Variants in RSRC1 observed in about 807,000 individuals in gnomAD.
RSRC1 encodes the protein arginine and serine rich coiled-coil 1, also known as serine/Arginine-related protein 53.
RSRC1 carries 39 observed loss-of-function variants against 49.1 expected under a neutral mutation model. The ratio of observed to expected loss-of-function variants is 0.79; its 90% CI spans 0.61 to 1.04. The LOEUF (loss-of-function observed/expected upper bound fraction) is 1.04. RSRC1 is among the 50% of genes least tolerant of loss of function. The pLI, the probability that RSRC1 is intolerant of heterozygous loss-of-function variation, is 0.00. For synonymous variants in RSRC1, 143 were observed against 130.8 expected, an observed-to-expected ratio of 1.09 and a Z score of -0.63; for missense variants, 388 against 402.4, an observed-to-expected ratio of 0.96 and a Z score of 0.31.
At chr3:158,299,311 A>G (rs1047072551) in intron 5 of RSRC1, among the ~76,000 whole-genome samples, 2 of 151,746 alleles carry the variant, frequency 1.3e-5, no homozygotes, top group African/African-American at 2.4e-5. Context: ...GGTGTCTTTT[A>G]TTTTTTATTT....
intron 7 of RSRC1, among the ~76,000 whole-genome samples, chr3:158,487,949 GAAAAAAAAAAA>G (rs58689210): frequency 1.0e-4 from 3 of 28,922 alleles, no homozygotes; most frequent in African/African-American, 2.7e-4. Flanking sequence ...TCCATCTCAA[GAAAAAAAAAAA>G]AAAAAAAAAA....
chr3:158,342,911 T>C (rs2108217627), intron 5 of RSRC1, among the ~76,000 whole-genome samples: 1 of 152,308 alleles, frequency 6.6e-6, no homozygotes, highest in Non-Finnish European at 1.5e-5. Context: ...TAGATCATGC[T>C]ACAAAGAGGA....
chr3:158,327,933 A>G (rs1214491807), intron 5 of RSRC1, among the ~76,000 whole-genome samples: 35 of 152,342 alleles, frequency 2.3e-4, no homozygotes, highest in African/African-American at 8.4e-4. Context: ...GGGTGCATAC[A>G]TATTTAGGAT....
chr3:158,509,364 A>G (rs1740031971), intron 7 of RSRC1, among the ~76,000 whole-genome samples: 1 of 152,184 alleles, frequency 6.6e-6, no homozygotes, highest in East Asian at 1.9e-4. Flanking sequence ...ACAACTTCCA[A>G]TTTGAGATAC....
At chr3:158,448,167 G>A (rs1736823303) in intron 6 of RSRC1, among the ~76,000 whole-genome samples, 1 of 151,832 alleles carries the variant, frequency 6.6e-6, no homozygotes, top group Admixed American at 6.6e-5. Context: ...TATGCTGTAA[G>A]TCGAAGGAAC....
chr3:158,288,058 A>G (rs1323051576), intron 4 of RSRC1, among the ~76,000 whole-genome samples: 2 of 152,124 alleles, frequency 1.3e-5, no homozygotes, highest in Non-Finnish European at 2.9e-5. Flanking sequence ...AACAACATGC[A>G]CAACTGTATG....
Position 158,228,899 on chromosome 3 carries a change from AAC to A in RSRC1, c.494+25660_494+25661del, listed in dbSNP as rs373042290. On this transcript the variant is annotated intron_variant, in intron 4 of 9. Transcript: ENST00000611884. ...AACACATACGTGTAATGTGTATATA[AAC>A]ACACATACGTGTATATGTGTGTATA... is the stretch of plus-strand genomic sequence containing the variant. 3.9e-4 allele frequency among the ~76,000 whole-genome samples: 24 copies of A among 61,700 alleles called. 6 individuals are homozygous for A. The highest frequency in any genetic ancestry group is 1.2e-3 in the South Asian group (2 of 1,698). 40.5% of individuals were successfully genotyped at this position (61,700 alleles called of 152,430 possible). A position where few individuals can be genotyped will look rare whatever the true frequency, so the allele number is the denominator to read the frequency against.
rs770777324 is a variant in RSRC1, at chr3:158,122,171, C to G, written c.67C>G (p.Arg23Gly). The G allele has an allele frequency of 6.3e-7, 1 of 1,597,736 alleles. No individual in the cohort carries two copies. The highest frequency in any genetic ancestry group is 8.5e-7 in the Non-Finnish European group (1 of 1,171,346). Residue 23 changes from arginine to glycine, a missense_variant, in exon 2 of 10, where the codon CGG becomes GGG. Physicochemically the swap from Arg to Gly is moderately radical, Grantham distance 125. Transcript: ENST00000611884. ...CAAGAGAAAAAAGAAACACCGTAGACGGTCCTCCTCGAGCAGTTCTTCAGA... is the reference window on the plus strand; with the variant it reads ...CAAGAGAAAAAAGAAACACCGTAGAGGGTCCTCCTCGAGCAGTTCTTCAGA... ...RSKRKKKHRR[R>G]SSSSSSSDSR... is the part of the protein sequence containing the mutation.
chr3:158,472,501 A>G (rs188472614), intron 7 of RSRC1, among the ~76,000 whole-genome samples: 1 of 152,294 alleles, frequency 6.6e-6, no homozygotes, highest in Non-Finnish European at 1.5e-5. Context: ...TCAACAAAAC[A>G]AAACAAAAGC....
In RSRC1 at chr3:158,459,243, T is replaced by C. The variant is rs183859824; in HGVS notation, c.584-1692T>C. Among the ~76,000 whole-genome samples, 802 of 152,248 alleles carry C rather than the reference T, an allele frequency of 5.3e-3. 6 individuals are homozygous for C. The highest frequency in any genetic ancestry group is 9.3e-3 in the Non-Finnish European group (629 of 67,986). Reference sequence around the variant, plus strand: ...AAAAACATATAAAATAATATTCCTATGAATTGTCCATGTATAGCAACAAAT... The same window carrying C: ...AAAAACATATAAAATAATATTCCTACGAATTGTCCATGTATAGCAACAAAT... On this transcript the variant is annotated intron_variant, in intron 6 of 9. Coordinates refer to ENST00000611884, the MANE Select transcript of RSRC1 (RefSeq NM_001271838.2).
chr3:158,401,557 A>C (rs1733895188), intron 6 of RSRC1, among the ~76,000 whole-genome samples: 1 of 151,976 alleles, frequency 6.6e-6, no homozygotes, highest in African/African-American at 2.4e-5. Flanking sequence ...AAGTGGCAGT[A>C]ATTTATATAG....
intron 4 of RSRC1, among the ~76,000 whole-genome samples, chr3:158,291,651 A>G (rs995971792): frequency 6.6e-6 from 1 of 152,214 alleles, no homozygotes; most frequent in African/African-American, 2.4e-5. Context: ...ACAAATGTAG[A>G]TGCAAAATAT....
At chr3:158,181,366 A>T (rs1424599240) in intron 3 of RSRC1, among the ~76,000 whole-genome samples, 3 of 152,302 alleles carry the variant, frequency 2.0e-5, no homozygotes, top group African/African-American at 7.2e-5. Context: ...CACATAAGAG[A>T]AATATCTGTC....
intron 5 of RSRC1, among the ~76,000 whole-genome samples, chr3:158,350,809 A>T (rs1730830493): frequency 6.6e-6 from 1 of 152,138 alleles, no homozygotes; most frequent in Non-Finnish European, 1.5e-5. Context: ...GATTAATACC[A>T]TTTACGAATT....
At chr3:158,365,422 GTTTGCTGAGAAT>G (rs1731709157) in intron 6 of RSRC1, among the ~76,000 whole-genome samples, 1 of 152,022 alleles carries the variant, frequency 6.6e-6, no homozygotes, top group African/African-American at 2.4e-5. Context: ...TCCTGTGTTA[GTTTGCTGAGAAT>G]GATGGTTTCC....
intron 6 of RSRC1, among the ~76,000 whole-genome samples, chr3:158,356,595 T>G (rs1298113128): frequency 1.3e-5 from 2 of 152,088 alleles, no homozygotes; most frequent in Non-Finnish European, 2.9e-5. Context: ...TTTTGTTAAT[T>G]TTTTTAATAT....
intron 4 of RSRC1, among the ~76,000 whole-genome samples, chr3:158,238,941 T>C (rs961925867): frequency 6.6e-6 from 1 of 151,998 alleles, no homozygotes; most frequent in East Asian, 1.9e-4. Context: ...ACCTACAGAA[T>C]GGGAGAAATT....
chr3:158,123,073 G>A lies in RSRC1; in HGVS notation c.194+775G>A, dbSNP rs935597012. 4.6e-5 allele frequency among the ~76,000 whole-genome samples: 7 copies of A among 152,136 alleles called. No homozygotes were observed. The East Asian group carries it at 5.8e-4, about 13-fold the overall frequency. ...GTTGTCCAGGCTGGAGTACAATGGC[G>A]TGATCTCAGCTCACTGCAGCCTCTG... On this transcript the variant is annotated intron_variant, in intron 2 of 9. Transcript: ENST00000611884.
intron 6 of RSRC1, among the ~76,000 whole-genome samples, chr3:158,379,782 C>A (rs117415840): frequency 6.7e-6 from 1 of 148,232 alleles, no homozygotes; most frequent in East Asian, 2.0e-4. Context: ...ACTGCACCTC[C>A]CCCCTACACA....
Sources: gnomAD v4.1 joint callset for allele counts (sites outside exome capture counted in the v4.1 genomes callset) on GRCh38, gnomAD v4.1.1 for gene constraint, MANE v1.5 for transcripts, NCBI Gene and HGNC (gene_info 2026-07-23, HGNC 2026-07-21) for gene names.